FAF1: variants seen among roughly 807,000 people sequenced by gnomAD.
FAF1 encodes Fas associated factor 1.
In FAF1, 25 loss-of-function variants were observed where a neutral mutation model predicts 92.5. The ratio of observed to expected loss-of-function variants is 0.27; its 90% CI spans 0.20 to 0.38. The LOEUF is 0.38. Among genes scored for constraint, FAF1 ranks in the 10% least tolerant of loss-of-function variants. The pLI is 1.00. For missense variants in FAF1, 636 were observed against 793.3 expected (o/e 0.80, Z 2.38); for synonymous variants, 234 against 273.2 (o/e 0.86, Z 1.42).
intron 8 of FAF1, among the ~76,000 whole-genome samples, chr1:50,622,113 C>T (rs1373456550): frequency 4.7e-5 from 7 of 147,986 alleles, no homozygotes; most frequent in East Asian, 4.0e-4. Flanking sequence ...TGCAGTGAGC[C>T]GAGATTACAC....
chr1:50,659,917 GATTT>G (rs539781195), intron 7 of FAF1, among the ~76,000 whole-genome samples: 395 of 152,186 alleles, frequency 2.6e-3, no homozygotes, highest in Middle Eastern at 0.01. Flanking sequence ...ATATGGTACT[GATTT>G]GTTTCCTTAT....
intron 1 of FAF1, among the ~76,000 whole-genome samples, chr1:50,896,625 C>T (rs1043024363): frequency 2.0e-5 from 3 of 152,092 alleles, no homozygotes; most frequent in African/African-American, 4.8e-5. Context: ...TTCTGACATA[C>T]GCTACAACAT....
chr1:50,710,037 C>T lies in FAF1; in HGVS notation c.552-4146G>A, dbSNP rs972429602. Among the ~76,000 whole-genome samples the T allele has an allele frequency of 3.5e-4, 54 of 152,134 alleles. 1 individual carries two copies. Among genetic ancestry groups the T allele is most frequent in the African/African-American group, 1.3e-3 (54 of 41,428 alleles). On this transcript the variant is annotated intron_variant, in intron 6 of 18. Transcript: ENST00000396153. The stretch of plus-strand genomic sequence containing the variant: ...AGGTGATGTGAAGAAAGGTTTCTGA[C>T]AGAGAAAACCTTAACAATGTTAAAG...
At chr1:50,622,454 T>C (rs943393946) in intron 8 of FAF1, among the ~76,000 whole-genome samples, 2 of 152,168 alleles carry the variant, frequency 1.3e-5, no homozygotes, top group African/African-American at 4.8e-5. Flanking sequence ...CAAATTATGC[T>C]GACTTGATGA....
At chr1:50,797,288 C>T (rs7552837) in intron 3 of FAF1, among the ~76,000 whole-genome samples, 73,476 of 152,092 alleles carry the variant, frequency 0.48, 19,689 homozygotes, top group African/African-American at 0.71. Context: ...ATTTTTAACA[C>T]TTCCCAGCTG....
At position 50,865,489 on chromosome 1, in the gene FAF1, C is replaced by T. The variant is rs1052463199; in HGVS notation, c.46-7492G>A. 6.5e-4 allele frequency among the ~76,000 whole-genome samples: 94 copies of T among 144,494 alleles called. No individual in the cohort carries two copies. The East Asian group carries it at 0.014, about 21-fold the overall frequency. 94.8% of individuals were successfully genotyped at this position (144,494 alleles called of 152,430 possible). On this transcript the variant is annotated intron_variant, in intron 1 of 18. Coordinates refer to ENST00000396153, the MANE Select transcript of FAF1 (RefSeq NM_007051.3). ...TTAAGAAAATGTGGCACATATACAC[C>T]GTGGAATACTATGCAGCCATAAAAA...
At chr1:50,907,532 T>A (rs1644849933) in intron 1 of FAF1, among the ~76,000 whole-genome samples, 1 of 152,226 alleles carries the variant, frequency 6.6e-6, no homozygotes, top group South Asian at 2.1e-4. Context: ...GTTGGTAGGC[T>A]ATTAATTATT....
chr1:50,759,182 G>T (rs1660211800), intron 4 of FAF1, among the ~76,000 whole-genome samples: 1 of 151,050 alleles, frequency 6.6e-6, no homozygotes, highest in Admixed American at 6.6e-5. Context: ...TAAGTTTTAG[G>T]GTACATGTGC....
intron 1 of FAF1, among the ~76,000 whole-genome samples, chr1:50,895,990 C>T (rs536931577): frequency 1.3e-5 from 2 of 152,150 alleles, no homozygotes; most frequent in Non-Finnish European, 2.9e-5. Context: ...ATTGGGAACA[C>T]AAGGATGCCC....
chr1:50,603,150 T>C (rs1289177097), intron 8 of FAF1, among the ~76,000 whole-genome samples: 1 of 152,224 alleles, frequency 6.6e-6, no homozygotes, highest in East Asian at 1.9e-4. Flanking sequence ...TATCTTGTCT[T>C]ACTATCTGAT....
chr1:50,500,752 T>C (rs533619639), intron 15 of FAF1, among the ~76,000 whole-genome samples: 1 of 152,170 alleles, frequency 6.6e-6, no homozygotes, highest in Non-Finnish European at 1.5e-5. Context: ...CCCATAAATA[T>C]GTACAACTAT....
In FAF1 at chr1:50,450,638, C is replaced by T. The variant is rs574259871; in HGVS notation, c.1870-9115G>A. 7.2e-5 allele frequency among the ~76,000 whole-genome samples: 11 copies of T among 152,256 alleles called. No homozygotes were observed. In the East Asian group the frequency reaches 9.6e-4, roughly 13 times the overall value. ...TGTCAACTTAGTCCTAACAACTAAT[C>T]GTCTATTTTCTTTAATCACCTTTTG... On this transcript the variant is annotated intron_variant, in intron 18 of 18. Transcript: ENST00000396153.
chr1:50,641,113 T>C (rs1654307772), intron 8 of FAF1, among the ~76,000 whole-genome samples: 1 of 152,144 alleles, frequency 6.6e-6, no homozygotes, highest in Admixed American at 6.5e-5. Flanking sequence ...ATTACAGGTG[T>C]GAGCCATCAC....
intron 17 of FAF1, 39 bp from the exon 18 acceptor site, chr1:50,475,718 G>A (rs750498071): frequency 7.0e-7 from 1 of 1,437,626 alleles, no homozygotes; most frequent in Non-Finnish European, 9.7e-7. Flanking sequence ...ATGTGAGAAG[G>A]ACTGGACTAT....
At chr1:50,879,620 A>G (rs375024176) in intron 1 of FAF1, among the ~76,000 whole-genome samples, 2 of 152,358 alleles carry the variant, frequency 1.3e-5, no homozygotes, top group South Asian at 4.1e-4. Context: ...GGGAAAATAC[A>G]TCAGATTTAC....
At chr1:50,921,605 T>C (rs1644963586) in intron 1 of FAF1, among the ~76,000 whole-genome samples, 1 of 150,752 alleles carries the variant, frequency 6.6e-6, no homozygotes, top group Non-Finnish European at 1.5e-5. Flanking sequence ...CTACTAAAAA[T>C]ACAACAGTTA....
At chr1:50,636,244 C>T (rs1654001277) in intron 8 of FAF1, among the ~76,000 whole-genome samples, 1 of 152,078 alleles carries the variant, frequency 6.6e-6, no homozygotes, top group African/African-American at 2.4e-5. Context: ...AATCTTGTAA[C>T]CACTAGTATA....
At chr1:50,660,065 A>T (rs1323245403) in intron 7 of FAF1, among the ~76,000 whole-genome samples, 1 of 152,200 alleles carries the variant, frequency 6.6e-6, no homozygotes. Context: ...TGGGGGAAAG[A>T]TCATTTCATT....
chr1:50,650,975 C>A (rs1333180385), intron 8 of FAF1, among the ~76,000 whole-genome samples: 1 of 152,150 alleles, frequency 6.6e-6, no homozygotes, highest in Non-Finnish European at 1.5e-5. Flanking sequence ...ACACCCTATT[C>A]GAGTACAACC....
Sources: gnomAD v4.1 joint callset for allele counts (sites outside exome capture counted in the v4.1 genomes callset) on GRCh38, gnomAD v4.1.1 for gene constraint, MANE v1.5 for transcripts, NCBI Gene and HGNC (gene_info 2026-07-23, HGNC 2026-07-21) for gene names.